Variants in ADAMTS6 observed in about 807,000 individuals in gnomAD.
The protein encoded by ADAMTS6 is A disintegrin and metalloproteinase with thrombospondin motifs 6.
In ADAMTS6, 23 loss-of-function variants were observed where a neutral mutation model predicts 144.3. The ratio of observed to expected loss-of-function variants is 0.16; its 90% CI spans 0.11 to 0.23. ADAMTS6 has a LOEUF of 0.23. ADAMTS6 is among the 10% of genes least tolerant of loss of function. The pLI, the probability that ADAMTS6 is intolerant of heterozygous loss-of-function variation, is 1.00. For missense variants in ADAMTS6, 999 were observed against 1,379.6 expected (o/e 0.72, Z 4.37); for synonymous variants, 444 against 457.5 (o/e 0.97, Z 0.38).
intron 7 of ADAMTS6, among the ~76,000 whole-genome samples, chr5:65,448,645 A>G (rs1223962227): frequency 6.6e-6 from 1 of 151,952 alleles, no homozygotes; most frequent in Non-Finnish European, 1.5e-5. Flanking sequence ...TAGTAGAGAC[A>G]GGGTTTCACC....
chr5:65,358,569 C>T (rs2150100766), intron 7 of ADAMTS6, among the ~76,000 whole-genome samples: 1 of 152,072 alleles, frequency 6.6e-6, no homozygotes, highest in South Asian at 2.1e-4. Context: ...CAAATAGCCA[C>T]AGCAACCTTG....
intron 24 of ADAMTS6, among the ~76,000 whole-genome samples, chr5:65,164,358 C>T (rs1181358659): frequency 8.6e-5 from 13 of 151,864 alleles, no homozygotes; most frequent in Middle Eastern, 3.4e-3. Flanking sequence ...GATTATATCC[C>T]GCACCTGGCT....
intron 22 of ADAMTS6, among the ~76,000 whole-genome samples, chr5:65,182,042 G>T (rs540854493): frequency 6.6e-6 from 1 of 152,226 alleles, no homozygotes; most frequent in Admixed American, 6.5e-5. Context: ...ATGCCAGGTC[G>T]TGCTTACAAT....
At chr5:65,245,718 G>A (rs1759572017) in intron 14 of ADAMTS6, among the ~76,000 whole-genome samples, 1 of 152,052 alleles carries the variant, frequency 6.6e-6, no homozygotes. Flanking sequence ...TACCTCTAAA[G>A]GTCCACATAG....
At chr5:65,370,636 G>A (rs1750788795) in intron 7 of ADAMTS6, among the ~76,000 whole-genome samples, 3 of 152,208 alleles carry the variant, frequency 2.0e-5, no homozygotes, top group African/African-American at 7.2e-5. Context: ...CGCCCACGGA[G>A]TCTCGCTGAT....
chr5:65,185,392 TG>T (rs1286650561), intron 22 of ADAMTS6, among the ~76,000 whole-genome samples: 1 of 152,126 alleles, frequency 6.6e-6, no homozygotes, highest in East Asian at 1.9e-4. Flanking sequence ...ATGATGACAG[TG>T]GTAAAGATGG....
intron 11 of ADAMTS6, among the ~76,000 whole-genome samples, chr5:65,286,432 A>G (rs1398214489): frequency 2.6e-5 from 4 of 152,196 alleles, no homozygotes; most frequent in African/African-American, 9.6e-5. Flanking sequence ...CTTCAGTTCT[A>G]CATTTAAAAT....
intron 4 of ADAMTS6, among the ~76,000 whole-genome samples, chr5:65,457,515 G>A (rs1033727652): frequency 2.0e-5 from 3 of 151,968 alleles, no homozygotes; most frequent in African/African-American, 7.2e-5. Context: ...AAAAAATAAG[G>A]ATCTGCCTGA....
chr5:65,454,402 A>G (rs906843519), intron 4 of ADAMTS6, among the ~76,000 whole-genome samples: 5 of 152,156 alleles, frequency 3.3e-5, no homozygotes, highest in African/African-American at 1.2e-4. Flanking sequence ...TCATCCCTAA[A>G]GGTGAAGAGA....
chr5:65,354,697 A>G lies in ADAMTS6; in HGVS notation c.1074-20612T>C, dbSNP rs182398452. Among the ~76,000 whole-genome samples, 178 of 151,948 alleles carry G rather than the reference A, an allele frequency of 1.2e-3. 1 individual carries two copies. Among genetic ancestry groups the G allele is most frequent in the African/African-American group, 4.2e-3 (173 of 41,550 alleles). ...AGTAAACTACTTTAATTTAGGAATA[A>G]TATCTCTTTTACTAAATATTATGAA... On this transcript the variant is annotated intron_variant, in intron 7 of 24. Transcript: ENST00000381055.
At chr5:65,431,789 T>A (rs1433559146) in intron 7 of ADAMTS6, among the ~76,000 whole-genome samples, 1 of 152,034 alleles carries the variant, frequency 6.6e-6, no homozygotes, top group East Asian at 1.9e-4. Flanking sequence ...TTGGACATAT[T>A]AAGGTTGAGA....
intron 7 of ADAMTS6, among the ~76,000 whole-genome samples, chr5:65,390,613 A>G (rs572287075): frequency 9.2e-5 from 14 of 152,362 alleles, no homozygotes; most frequent in African/African-American, 3.1e-4. Flanking sequence ...AGGAAAGACA[A>G]TAGTTTAGGT....
At chr5:65,317,845 G>A (rs1049232030) in intron 9 of ADAMTS6, among the ~76,000 whole-genome samples, 4 of 151,990 alleles carry the variant, frequency 2.6e-5, no homozygotes, top group Admixed American at 1.3e-4. Flanking sequence ...AGGCCGAGGC[G>A]GGTGGATCAC....
At chr5:65,470,052 C>G (rs763892543) in intron 3 of ADAMTS6, among the ~76,000 whole-genome samples, 15 of 152,102 alleles carry the variant, frequency 9.9e-5, no homozygotes, top group Non-Finnish European at 4.4e-5. Context: ...AGGATAAACC[C>G]TGTAGTCTTG....
chr5:65,269,855 G>A (rs1761921957), intron 12 of ADAMTS6, among the ~76,000 whole-genome samples: 1 of 149,032 alleles, frequency 6.7e-6, no homozygotes, highest in Non-Finnish European at 1.5e-5. Context: ...GCAATGGCGT[G>A]CAATCTTGTC....
chr5:65,348,254 A>G (rs1293142983), intron 7 of ADAMTS6, among the ~76,000 whole-genome samples: 1 of 152,102 alleles, frequency 6.6e-6, no homozygotes, highest in Non-Finnish European at 1.5e-5. Flanking sequence ...CATGAAATCA[A>G]TCTCTGTCTA....
intron 24 of ADAMTS6, among the ~76,000 whole-genome samples, chr5:65,156,131 G>C (rs963061035): frequency 1.3e-5 from 2 of 152,038 alleles, no homozygotes; most frequent in African/African-American, 4.8e-5. Context: ...ACCACTTTTA[G>C]CTTAGCTAGA....
chr5:65,270,937 T>C (rs1762004026), intron 12 of ADAMTS6, among the ~76,000 whole-genome samples: 1 of 152,190 alleles, frequency 6.6e-6, no homozygotes, highest in Admixed American at 6.5e-5. Flanking sequence ...CAAATGTATA[T>C]ATATTAGAAT....
intron 7 of ADAMTS6, among the ~76,000 whole-genome samples, chr5:65,405,638 T>G (rs1233154264): frequency 1.3e-5 from 2 of 152,222 alleles, no homozygotes; most frequent in East Asian, 3.8e-4. Context: ...GGCTCTTTTT[T>G]GGTTCCATAT....
Sources: allele counts gnomAD v4.1 joint callset (sites outside exome capture counted in the v4.1 genomes callset), GRCh38; gene constraint gnomAD v4.1.1; transcripts MANE v1.5; gene names NCBI Gene and HGNC (gene_info 2026-07-23, HGNC 2026-07-21).